SCUBE1: variants seen among roughly 807,000 people sequenced by gnomAD.
The protein encoded by SCUBE1 is signal peptide, CUB domain and EGF like domain containing 1.
A neutral mutation model predicts 124.4 loss-of-function variants in SCUBE1; 59 were observed. That is an observed-to-expected ratio of 0.47 (90% CI 0.38 to 0.59). SCUBE1 has a LOEUF of 0.59. SCUBE1 is among the 20% of genes least tolerant of loss of function. The pLI, the probability that SCUBE1 is intolerant of heterozygous loss-of-function variation, is 0.00. For synonymous variants in SCUBE1, 545 were observed against 550.9 expected (o/e 0.99, Z 0.15); for missense variants, 1,150 against 1,371.2 (o/e 0.84, Z 2.55).
intron 4 of SCUBE1, among the ~76,000 whole-genome samples, chr22:43,273,561 C>CTTT (rs1056252584): frequency 0.019 from 1,185 of 60,908 alleles, 48 homozygotes; most frequent in Middle Eastern, 0.048. Flanking sequence ...CTAAAACCCT[C>CTTT]TTTTTTTTTT....
intron 4 of SCUBE1, among the ~76,000 whole-genome samples, chr22:43,281,540 T>TCACCCTCCTGTCACCTCCCTCTTTGGC (rs1569011083): frequency 1.7e-4 from 7 of 40,774 alleles, no homozygotes; most frequent in East Asian, 2.0e-3. Context: ...CCTCCCTCAG[T>TCACCCTCCTGTCACCTCCCTCTTTGGC]CACCCTCCTG....
intron 6 of SCUBE1, among the ~76,000 whole-genome samples, chr22:43,250,860 C>A (rs150599259): frequency 5.3e-5 from 8 of 152,200 alleles, no homozygotes; most frequent in Non-Finnish European, 1.2e-4. Context: ...AGGAACATCA[C>A]AGCCAGAAAT....
chr22:43,245,602 C>T (rs1348388101), intron 6 of SCUBE1, among the ~76,000 whole-genome samples: 1 of 152,168 alleles, frequency 6.6e-6, no homozygotes, highest in Non-Finnish European at 1.5e-5. Context: ...GCTGCGGGGC[C>T]CCAACGCCCA....
chr22:43,286,070 C>T (rs945425269), intron 4 of SCUBE1, among the ~76,000 whole-genome samples: 2 of 152,196 alleles, frequency 1.3e-5, no homozygotes, highest in Admixed American at 6.5e-5. Context: ...CCTGACTCTG[C>T]GGCCGGCTTG....
chr22:43,235,062 C>A (rs561668694), intron 7 of SCUBE1, among the ~76,000 whole-genome samples: 1 of 152,320 alleles, frequency 6.6e-6, no homozygotes, highest in African/African-American at 2.4e-5. Flanking sequence ...CATGAGAGGG[C>A]CTTGGGACAC....
At chr22:43,259,515 T>C (rs984599283) in intron 5 of SCUBE1, among the ~76,000 whole-genome samples, 2 of 152,222 alleles carry the variant, frequency 1.3e-5, no homozygotes, top group African/African-American at 4.8e-5. Context: ...AGTCAACTGG[T>C]GGCAACTCCC....
chr22:43,315,301 C>G (rs1368351137), intron 3 of SCUBE1, among the ~76,000 whole-genome samples: 1 of 151,988 alleles, frequency 6.6e-6, no homozygotes, highest in East Asian at 1.9e-4. Flanking sequence ...GGAACTGAAG[C>G]TTGGTGGGCT....
At chr22:43,325,408 A>G (rs1926690675) in intron 2 of SCUBE1, among the ~76,000 whole-genome samples, 1 of 140,298 alleles carries the variant, frequency 7.1e-6, no homozygotes, top group South Asian at 2.2e-4. Flanking sequence ...GCGCCGTTGC[A>G]CTCCAGCCTG....
At chr22:43,207,463 AG>A in intron 21 of SCUBE1, 70 bp downstream of exon 21, 1 of 1,192,854 alleles carries the variant, frequency 8.4e-7, no homozygotes. Flanking sequence ...GGGCTGGGGC[AG>A]GGGCGGTCCT....
intron 4 of SCUBE1, among the ~76,000 whole-genome samples, chr22:43,287,134 T>C (rs1015005467): frequency 6.6e-6 from 1 of 152,108 alleles, no homozygotes; most frequent in Non-Finnish European, 1.5e-5. Flanking sequence ...TAGGGGGTGC[T>C]ATCATGGGGC....
chr22:43,302,160 C>T (rs1011055598), intron 3 of SCUBE1, among the ~76,000 whole-genome samples: 4 of 152,192 alleles, frequency 2.6e-5, no homozygotes, highest in East Asian at 1.9e-4. Flanking sequence ...GGAGCTTGTG[C>T]GGAGATCGCG....
intron 3 of SCUBE1, among the ~76,000 whole-genome samples, chr22:43,300,842 T>C (rs1361002825): frequency 1.3e-5 from 2 of 151,912 alleles, no homozygotes; most frequent in African/African-American, 4.8e-5. Flanking sequence ...TCTGCCAAGG[T>C]TGCCCCCAAA....
At chr22:43,276,696 T>TG (rs1034157848) in intron 4 of SCUBE1, among the ~76,000 whole-genome samples, 2 of 152,150 alleles carry the variant, frequency 1.3e-5, no homozygotes, top group African/African-American at 4.8e-5. Context: ...AAACCCCAGG[T>TG]GGGAAGCCAG....
At chr22:43,252,257 C>T (rs1299320037) in intron 6 of SCUBE1, among the ~76,000 whole-genome samples, 7 of 152,266 alleles carry the variant, frequency 4.6e-5, no homozygotes, top group Admixed American at 1.3e-4. Context: ...CTTACAACTG[C>T]GCCTCCCATT....
intron 2 of SCUBE1, among the ~76,000 whole-genome samples, chr22:43,334,997 C>A (rs1351500263): frequency 1.3e-5 from 2 of 152,174 alleles, no homozygotes; most frequent in Non-Finnish European, 2.9e-5. Context: ...GCTGTTAACA[C>A]CCTCTTCTCA....
intron 21 of SCUBE1, among the ~76,000 whole-genome samples, chr22:43,205,744 A>C (rs1200595593): frequency 2.7e-5 from 1 of 36,738 alleles, no homozygotes; most frequent in Admixed American, 3.2e-4. Flanking sequence ...CCACACGCCC[A>C]CTCACCACTC....
At chr22:43,212,966 C>G (rs751658701) in intron 16 of SCUBE1, among the ~76,000 whole-genome samples, 14 of 152,088 alleles carry the variant, frequency 9.2e-5, no homozygotes, top group Non-Finnish European at 1.8e-4. Flanking sequence ...CCGGGGTCTC[C>G]GCAGAAGGAG....
intron 2 of SCUBE1, among the ~76,000 whole-genome samples, chr22:43,333,190 C>A (rs1459243356): frequency 6.6e-6 from 1 of 152,212 alleles, no homozygotes; most frequent in African/African-American, 2.4e-5. Flanking sequence ...CTTCCAACTC[C>A]ACACAGCCAG....
intron 19 of SCUBE1, among the ~76,000 whole-genome samples, chr22:43,208,867 C>T (rs1308835649): frequency 6.6e-6 from 1 of 152,218 alleles, no homozygotes; most frequent in Non-Finnish European, 1.5e-5. Flanking sequence ...CCCAGCCCTG[C>T]CCAGCCTCTC....
Sources: gnomAD v4.1 joint callset for allele counts (sites outside exome capture counted in the v4.1 genomes callset) on GRCh38, gnomAD v4.1.1 for gene constraint, MANE v1.5 for transcripts, NCBI Gene and HGNC (gene_info 2026-07-23, HGNC 2026-07-21) for gene names.